WDFY3: variants seen among roughly 807,000 people sequenced by gnomAD.
WDFY3 encodes the protein WD repeat and FYVE domain containing 3.
Under a neutral mutation model 409.6 loss-of-function variants are expected in WDFY3, and 66 were observed. The observed-to-expected ratio is 0.16, with a 90% CI of 0.13 to 0.20. The LOEUF (loss-of-function observed/expected upper bound fraction) is 0.20. WDFY3 is among the 10% of genes least tolerant of loss of function. WDFY3 has a pLI of 1.00. For missense variants in WDFY3, 3,031 were observed against 4,298.1 expected, an observed-to-expected ratio of 0.71 and a Z score of 8.24; for synonymous variants, 1,521 against 1,537.1, an observed-to-expected ratio of 0.99 and a Z score of 0.25.
intron 27 of WDFY3, among the ~76,000 whole-genome samples, chr4:84,776,801 A>T (rs1745624292): frequency 1.3e-5 from 2 of 152,120 alleles, no homozygotes; most frequent in Admixed American, 6.6e-5. Context: ...TAGGCTGAGA[A>T]ATGTGTACTT....
At chr4:84,790,356 A>T (rs1205906501) in intron 21 of WDFY3, among the ~76,000 whole-genome samples, 1 of 152,188 alleles carries the variant, frequency 6.6e-6, no homozygotes, top group Non-Finnish European at 1.5e-5. Context: ...CTCAAAAAAA[A>T]TAAGTAAATA....
At chr4:84,721,371 G>A in intron 47 of WDFY3, 38 bp downstream of exon 47, 1 of 1,606,354 alleles carries the variant, frequency 6.2e-7, no homozygotes, top group East Asian at 2.2e-5. Flanking sequence ...ATATGTTACT[G>A]AAGTATTTAC....
chr4:84,801,280 C>A (rs1750516656), intron 17 of WDFY3, among the ~76,000 whole-genome samples: 1 of 152,084 alleles, frequency 6.6e-6, no homozygotes, highest in Non-Finnish European at 1.5e-5. Context: ...ACTCTTGGAT[C>A]TATATTCACA....
Position 84,785,971 on chromosome 4 carries a change from C to G in WDFY3, c.4062+8G>C, listed in dbSNP as rs779661200. On this transcript the variant is annotated splice_region_variant and intron_variant, in intron 24 of 67. Coordinates refer to ENST00000295888, the MANE Select transcript of WDFY3 (RefSeq NM_014991.6). ...AGCCATAGTACACCAAGAAATCATT[C>G]TGCTTACCTGCTTAGCAATGGCTTT... 2 of 1,613,448 alleles carry G rather than the reference C, an allele frequency of 1.2e-6. No individual in the cohort carries two copies. The highest frequency in any genetic ancestry group is 3.3e-5 in the Admixed American group (2 of 59,874).
In WDFY3 at chr4:84,724,458, T is replaced by C; in HGVS notation, c.7409A>G (p.Glu2470Gly). Residue 2470 changes from glutamate to glycine, a missense_variant, in exon 46 of 68, where the codon GAG becomes GGG. By Grantham distance (98) the Glu-to-Gly change is moderately conservative (BLOSUM62 -2). Coordinates refer to ENST00000295888, the MANE Select transcript of WDFY3 (RefSeq NM_014991.6). ...TTTAGCAATAGTGTCTTCCCCATGC[T>C]CTGGTTCTTGCTGAGCAGCTTCACC... is the stretch of plus-strand genomic sequence containing the variant. ...SEGEAAQQEP[E>G]HGEDTIAKVK... 6.2e-7 allele frequency: 1 copy of C among 1,613,784 alleles called. No homozygotes were observed. Among genetic ancestry groups the C allele is most frequent in the Non-Finnish European group, 8.5e-7 (1 of 1,179,860 alleles).
chr4:84,925,119 T>C (rs577341825), intron 2 of WDFY3, among the ~76,000 whole-genome samples: 1 of 152,286 alleles, frequency 6.6e-6, no homozygotes, highest in Non-Finnish European at 1.5e-5. Context: ...GGACTGTGAT[T>C]TCCAAGTCTC....
intron 2 of WDFY3, among the ~76,000 whole-genome samples, chr4:84,905,892 T>G (rs374090687): frequency 2.0e-5 from 3 of 152,170 alleles, no homozygotes; most frequent in East Asian, 3.9e-4. Context: ...ACTCCTTCAA[T>G]TTTCAGCTTC....
At chr4:84,942,437 A>G (rs528662254) in intron 1 of WDFY3, among the ~76,000 whole-genome samples, 3 of 152,332 alleles carry the variant, frequency 2.0e-5, no homozygotes, top group East Asian at 3.9e-4. Context: ...GCTCACTACC[A>G]TTATTTATGA....
At chr4:84,786,237 A>C (rs1747530689) in intron 23 of WDFY3, 98 bp from the exon 24 acceptor site, 1 of 1,185,250 alleles carries the variant, frequency 8.4e-7, no homozygotes, top group African/African-American at 1.6e-5. Flanking sequence ...GGAGGCTTGA[A>C]AGTCTTAAAG....
At position 84,688,772 on chromosome 4, in the gene WDFY3, T is replaced by C. The variant is rs540418456; in HGVS notation, c.9364-507A>G. Among the ~76,000 whole-genome samples, 10 of 152,252 alleles carry C rather than the reference T, an allele frequency of 6.6e-5. 1 individual carries two copies. The South Asian group carries it at 1.0e-3, about 16-fold the overall frequency. Reference sequence around the variant, plus strand: ...CATGGCTGTAGCACGTGGTCTACAATAGACAAAGCGAGAATGTAGTCCTGA... The same window carrying C: ...CATGGCTGTAGCACGTGGTCTACAACAGACAAAGCGAGAATGTAGTCCTGA... On this transcript the variant is annotated intron_variant, in intron 61 of 67. Coordinates refer to ENST00000295888, the MANE Select transcript of WDFY3 (RefSeq NM_014991.6).
intron 56 of WDFY3, among the ~76,000 whole-genome samples, chr4:84,701,358 T>C (rs927590968): frequency 6.6e-6 from 1 of 152,068 alleles, no homozygotes; most frequent in African/African-American, 2.4e-5. Context: ...AAAGGTAGAG[T>C]TGCTGATGGA....
intron 1 of WDFY3, among the ~76,000 whole-genome samples, chr4:84,945,200 C>T (rs1189374500): frequency 6.6e-6 from 1 of 152,204 alleles, no homozygotes; most frequent in Non-Finnish European, 1.5e-5. Context: ...TTCATGAAAA[C>T]CACCAGGTGG....
intron 1 of WDFY3, among the ~76,000 whole-genome samples, chr4:84,963,462 AGAG>A (rs1229537678): frequency 6.6e-6 from 1 of 151,966 alleles, no homozygotes; most frequent in East Asian, 1.9e-4. Flanking sequence ...AAAAAAAAGA[AGAG>A]GGGAAATTCG....
chr4:84,777,494 G>T (rs890270492), intron 27 of WDFY3, among the ~76,000 whole-genome samples: 1 of 147,896 alleles, frequency 6.8e-6, no homozygotes, highest in Non-Finnish European at 1.5e-5. Flanking sequence ...GAATATGAGG[G>T]AAACAGACAA....
At chr4:84,915,855 C>T (rs1275783763) in intron 2 of WDFY3, among the ~76,000 whole-genome samples, 1 of 152,166 alleles carries the variant, frequency 6.6e-6, no homozygotes. Flanking sequence ...CTGGCTCACC[C>T]CCACAATGTG....
chr4:84,769,821 A>G (rs75704363), intron 30 of WDFY3, among the ~76,000 whole-genome samples: 279 of 152,246 alleles, frequency 1.8e-3, no homozygotes, highest in African/African-American at 6.4e-3. Context: ...ACCAAATCAG[A>G]ATAATTAGCA....
At chr4:84,850,333 G>C (rs569287682) in intron 4 of WDFY3, among the ~76,000 whole-genome samples, 1 of 148,852 alleles carries the variant, frequency 6.7e-6, no homozygotes, top group African/African-American at 2.5e-5. Context: ...CTTTTTTTTT[G>C]GGGGGGACAG....
intron 8 of WDFY3, among the ~76,000 whole-genome samples, chr4:84,830,802 TAAAAG>T (rs1755596863): frequency 6.6e-6 from 1 of 152,114 alleles, no homozygotes; most frequent in African/African-American, 2.4e-5. Context: ...TTTTATTCAG[TAAAAG>T]AAGAGAGAAG....
At chr4:84,905,551 G>C (rs1307723323) in intron 2 of WDFY3, among the ~76,000 whole-genome samples, 1 of 152,092 alleles carries the variant, frequency 6.6e-6, no homozygotes. Flanking sequence ...TTAGATCCGA[G>C]CTGCGATTAT....
Sources: gnomAD v4.1 joint callset for allele counts (sites outside exome capture counted in the v4.1 genomes callset) on GRCh38, gnomAD v4.1.1 for gene constraint, MANE v1.5 for transcripts, NCBI Gene and HGNC (gene_info 2026-07-23, HGNC 2026-07-21) for gene names.